Variants in SAXO1 observed in about 807,000 individuals in gnomAD.
The protein encoded by SAXO1 is 4930500O09Rik.
In SAXO1, 21 loss-of-function variants were observed where a neutral mutation model predicts 17.5. The ratio of observed to expected loss-of-function variants is 1.20; its 90% CI spans 0.85 to 1.72. The LOEUF (loss-of-function observed/expected upper bound fraction) is 1.72, where lower values mean the gene tolerates loss of function less well. Among genes scored for constraint, SAXO1 ranks in the 40% most tolerant of loss-of-function variants. SAXO1 has a pLI of 0.00. For missense variants in SAXO1, 843 were observed against 596.0 expected (o/e 1.41, Z -4.32); for synonymous variants, 274 against 216.5 (o/e 1.27, Z -2.33).
rs1056753460 is a variant in SAXO1, at chr9:19,029,693, C to T, written c.38+3178G>A. Among the ~76,000 whole-genome samples, 5 of 152,234 alleles carry T rather than the reference C, an allele frequency of 3.3e-5. No homozygotes were observed. The East Asian group carries it at 5.8e-4, about 18-fold the overall frequency. On this transcript the variant is annotated intron_variant, in intron 1 of 3. Coordinates refer to ENST00000380534, the MANE Select transcript of SAXO1 (RefSeq NM_153707.4). ...GGAAACACTCCCTATCTGCATGTGC[C>T]GGTATGGGAGTGACTATACTCGAGT...
chr9:19,048,905 T>C (rs1014598033), intron 1 of SAXO1, among the ~76,000 whole-genome samples: 3 of 152,186 alleles, frequency 2.0e-5, no homozygotes, highest in African/African-American at 4.8e-5. Context: ...AGCCAGGATG[T>C]CTCCTAGGAG....
intron 2 of SAXO1, among the ~76,000 whole-genome samples, chr9:18,946,355 C>T (rs1360468014): frequency 7.0e-6 from 1 of 143,144 alleles, no homozygotes; most frequent in African/African-American, 2.6e-5. Context: ...AGGAAAGAAA[C>T]CTGGAAATGA....
intron 3 of SAXO1, among the ~76,000 whole-genome samples, chr9:18,938,854 A>G (rs201608736): frequency 2.3e-3 from 91 of 39,588 alleles, no homozygotes; most frequent in African/African-American, 4.2e-3. Flanking sequence ...GTGTGTGTGT[A>G]TGTGTGTGTG....
upstream of SAXO1, among the ~76,000 whole-genome samples, chr9:19,033,609 T>C (rs1835858253): frequency 6.6e-6 from 1 of 152,208 alleles, no homozygotes; most frequent in Non-Finnish European, 1.5e-5. Flanking sequence ...CAGATGTCTG[T>C]TAGAATTGCT....
At chr9:19,027,775 G>A in intron 1 of SAXO1, 1 of 1,507,880 alleles carries the variant, frequency 6.6e-7, no homozygotes, top group Non-Finnish European at 9.1e-7. Context: ...TGGAGCTTCT[G>A]AACCAGCTGG....
chr9:18,992,502 A>G (rs989164053), intron 1 of SAXO1, among the ~76,000 whole-genome samples: 3 of 152,196 alleles, frequency 2.0e-5, no homozygotes, highest in Non-Finnish European at 4.4e-5. Context: ...TCTTTACCAA[A>G]TAAGATCATA....
At chr9:18,994,624 C>G (rs1367644483) in intron 1 of SAXO1, among the ~76,000 whole-genome samples, 2 of 152,154 alleles carry the variant, frequency 1.3e-5, no homozygotes, top group Non-Finnish European at 2.9e-5. Context: ...CTAACAGAGA[C>G]CCCGGGAAAT....
At chr9:19,019,540 C>A (rs1325506944) in intron 1 of SAXO1, among the ~76,000 whole-genome samples, 1 of 151,984 alleles carries the variant, frequency 6.6e-6, no homozygotes, top group Non-Finnish European at 1.5e-5. Context: ...ACCAGCCTGG[C>A]CAAAATGGTG....
intron 1 of SAXO1, among the ~76,000 whole-genome samples, chr9:18,962,507 T>C (rs2131762924): frequency 6.6e-6 from 1 of 152,346 alleles, no homozygotes; most frequent in African/African-American, 2.4e-5. Context: ...TTGTTTAAGT[T>C]CCTTGTAGGT....
At position 19,049,104 on chromosome 9, in the gene SAXO1, G is replaced by A. The variant is rs867291052; in HGVS notation, c.-158+105C>T. The A allele has an allele frequency of 6.6e-6, 1 of 152,502 alleles. No individual in the cohort carries two copies. The highest frequency in any genetic ancestry group is 2.4e-5 in the African/African-American group (1 of 41,458). The allele number at this position is 152,502 out of a possible 1,614,324, so 9.4% of individuals were successfully genotyped here. ...CCAGTCGGCTGCCCCTGCGGAAACC[G>A]GCCCGACACACCTCGCTCCTAAAGC... On this transcript the variant is annotated intron_variant, in intron 1 of 3. Transcript: ENST00000542071. The surrounding 1 kb of genome is among the most constrained non-coding windows in gnomAD (Gnocchi z 5.4).
intron 1 of SAXO1, among the ~76,000 whole-genome samples, chr9:19,003,566 A>G (rs1188639293): frequency 1.3e-5 from 2 of 152,250 alleles, no homozygotes; most frequent in East Asian, 3.8e-4. Flanking sequence ...ATGGAATAGA[A>G]CAGAGGCCTC....
intron 3 of SAXO1, among the ~76,000 whole-genome samples, chr9:18,932,010 CTT>C (rs1831073513): frequency 2.0e-5 from 3 of 152,166 alleles, no homozygotes; most frequent in South Asian, 2.1e-4. Context: ...ACACCTGACT[CTT>C]TTCATTTCTT....
At chr9:19,013,934 G>C (rs938041989) in intron 1 of SAXO1, among the ~76,000 whole-genome samples, 6 of 152,172 alleles carry the variant, frequency 3.9e-5, no homozygotes, top group African/African-American at 1.4e-4. Context: ...CAGTTCGTGA[G>C]CTGGGCATGT....
At chr9:18,950,678 A>G (rs1439968011) in intron 2 of SAXO1, 80 bp downstream of exon 2, 17 of 1,287,482 alleles carry the variant, frequency 1.3e-5, no homozygotes. Flanking sequence ...TGCACATTAC[A>G]TTAATATTAT....
chr9:19,027,006 A>C, intron 1 of SAXO1: 1 of 869,332 alleles, frequency 1.2e-6, no homozygotes, highest in Non-Finnish European at 2.0e-6. Flanking sequence ...GATCAAGATC[A>C]TGAAGAGTTA....
chr9:18,955,352 C>T (rs1045177497), intron 1 of SAXO1, among the ~76,000 whole-genome samples: 9 of 152,194 alleles, frequency 5.9e-5, no homozygotes, highest in Non-Finnish European at 1.0e-4. Flanking sequence ...TTTCTTACTA[C>T]ACTTCAAAAT....
chr9:19,026,534 C>G (rs72696432), intron 1 of SAXO1, among the ~76,000 whole-genome samples: 5,970 of 152,270 alleles, frequency 0.039, 136 homozygotes, highest in Non-Finnish European at 0.056. Context: ...CACCTAACCA[C>G]AGTTTCAAAT....
chr9:18,997,462 G>C (rs918670754), intron 1 of SAXO1, among the ~76,000 whole-genome samples: 2 of 152,270 alleles, frequency 1.3e-5, no homozygotes, highest in African/African-American at 4.8e-5. Flanking sequence ...AGGCAGGAAA[G>C]CTCAAACTGG....
rs896007225 is a variant in SAXO1 at position 19,016,303 on chromosome 9, G to A, written c.38+16568C>T. Among the ~76,000 whole-genome samples, 4 of 152,258 alleles carry A rather than the reference G, an allele frequency of 2.6e-5. No individual in the cohort carries two copies. The South Asian group carries it at 6.2e-4, about 24-fold the overall frequency. On this transcript the variant is annotated intron_variant, in intron 1 of 3. Transcript: ENST00000380534. ...GTACAAAAATTAGCTGGGCATGGTG[G>A]TGCACGCCTGTAGTCCCGGCTACTC...
Sources: gnomAD v4.1 joint callset for allele counts (sites outside exome capture counted in the v4.1 genomes callset) on GRCh38, gnomAD v4.1.1 for gene constraint, Gnocchi (gnomAD v3.1) non-coding constraint, MANE v1.5 for transcripts, NCBI Gene and HGNC (gene_info 2026-07-23, HGNC 2026-07-21) for gene names.